Variants in XIRP2 observed in about 807,000 individuals in gnomAD.
XIRP2 encodes xin actin-binding repeat-containing protein 2.
In XIRP2, 236 loss-of-function variants were observed where a neutral mutation model predicts 277.0. The observed-to-expected ratio is 0.85, with a 90% CI of 0.77 to 0.95. XIRP2 has a LOEUF of 0.95. XIRP2 is among the 40% of genes least tolerant of loss of function. XIRP2 has a pLI of 0.00. For missense variants in XIRP2, 4,640 were observed against 4,157.5 expected (o/e 1.12, Z -3.19); for synonymous variants, 1,490 against 1,416.5 (o/e 1.05, Z -1.17).
rs1443207374 is a variant in XIRP2 at position 167,259,122 on chromosome 2, T to C, written c.*1305T>C. On this transcript the variant is annotated 3_prime_UTR_variant, in exon 11 of 11. Transcript: ENST00000409195. ...GAGAACATTTTCAATTGTGATTTAA[T>C]AGATTCTGTAGATCAAATTAAAAAT... 2.5e-6 allele frequency: 4 copies of C among 1,611,842 alleles called. No homozygotes were observed. The African/African-American group carries it at 4.0e-5, about 16-fold the overall frequency.
At chr2:167,229,788 T>A (rs1694701193) in intron 5 of XIRP2, among the ~76,000 whole-genome samples, 1 of 152,146 alleles carries the variant, frequency 6.6e-6, no homozygotes, top group African/African-American at 2.4e-5. Flanking sequence ...TAAGAAGTTC[T>A]GTTCCTAGAG....
intron 5 of XIRP2, among the ~76,000 whole-genome samples, chr2:167,220,123 T>C (rs1032869821): frequency 2.0e-5 from 3 of 152,148 alleles, no homozygotes; most frequent in Non-Finnish European, 4.4e-5. Flanking sequence ...AGTGAGAATA[T>C]TTACACCAGG....
At chr2:166,909,550 G>T (rs986244363) in intron 2 of XIRP2, among the ~76,000 whole-genome samples, 10 of 152,080 alleles carry the variant, frequency 6.6e-5, no homozygotes, top group Non-Finnish European at 7.4e-5. Flanking sequence ...TATACAATCA[G>T]GTCATCTGCA....
chr2:167,141,755 G>C (rs1344255800), intron 3 of XIRP2, among the ~76,000 whole-genome samples: 1 of 152,086 alleles, frequency 6.6e-6, no homozygotes, highest in Non-Finnish European at 1.5e-5. Context: ...CAGCTACCAG[G>C]GAGGCTGAGG....
At chr2:167,048,149 T>A (rs1688832536) in intron 2 of XIRP2, among the ~76,000 whole-genome samples, 1 of 152,020 alleles carries the variant, frequency 6.6e-6, no homozygotes, top group Non-Finnish European at 1.5e-5. Flanking sequence ...ATACAAGTAA[T>A]AGATGCATCT....
intron 2 of XIRP2, among the ~76,000 whole-genome samples, chr2:167,034,812 T>C (rs967605557): frequency 6.6e-6 from 1 of 152,146 alleles, no homozygotes; most frequent in African/African-American, 2.4e-5. Context: ...GGTAAAGAGA[T>C]TGACCTGATA....
intron 5 of XIRP2, among the ~76,000 whole-genome samples, chr2:167,220,114 G>A (rs960743110): frequency 6.6e-6 from 1 of 152,148 alleles, no homozygotes; most frequent in Non-Finnish European, 1.5e-5. Context: ...ATCAGCCATA[G>A]TGAGAATATT....
intron 2 of XIRP2, among the ~76,000 whole-genome samples, chr2:166,940,677 A>C (rs901768064): frequency 1.3e-5 from 2 of 152,198 alleles, no homozygotes; most frequent in African/African-American, 4.8e-5. Flanking sequence ...CAGGACCCTC[A>C]GCTGCAGGTC....
chr2:167,003,845 G>A (rs1687434487), intron 2 of XIRP2, among the ~76,000 whole-genome samples: 1 of 151,764 alleles, frequency 6.6e-6, no homozygotes, highest in Admixed American at 6.6e-5. Context: ...CATGTATTTT[G>A]GCTTTTCTTA....
At chr2:167,191,634 T>C (rs1032742833) in intron 3 of XIRP2, among the ~76,000 whole-genome samples, 1 of 152,228 alleles carries the variant, frequency 6.6e-6, no homozygotes, top group Non-Finnish European at 1.5e-5. Flanking sequence ...GACTGGCTTA[T>C]TTTTAAATTT....
chr2:167,034,764 T>C (rs1350100424), intron 2 of XIRP2, among the ~76,000 whole-genome samples: 3 of 152,204 alleles, frequency 2.0e-5, no homozygotes, highest in Non-Finnish European at 4.4e-5. Flanking sequence ...ACGCACCCAA[T>C]GCTGGATCAC....
intron 3 of XIRP2, among the ~76,000 whole-genome samples, chr2:167,146,532 T>A (rs142514405): frequency 0.026 from 3,871 of 151,140 alleles, 75 homozygotes; most frequent in East Asian, 0.05. Flanking sequence ...AGAAAGAAAT[T>A]AATTATAGAG....
At position 167,210,974 on chromosome 2, in the gene XIRP2, A is replaced by G. The variant is rs34511205; in HGVS notation, c.723+79A>G. 1.0e-3 allele frequency: 1,554 copies of G among 1,546,848 alleles called. 2 individuals carry two copies. Among genetic ancestry groups the G allele is most frequent in the Non-Finnish European group, 1.3e-3 (1,501 of 1,137,644 alleles). ...ATTCCCTCTTTATATTTGAAATGTA[A>G]GAATACTACTGGACAGGGGGCTAAA... On this transcript the variant is annotated intron_variant, in intron 4 of 10. Transcript: ENST00000409195.
chr2:166,995,729 G>C (rs1419316492), intron 2 of XIRP2, among the ~76,000 whole-genome samples: 1 of 152,198 alleles, frequency 6.6e-6, no homozygotes, highest in Admixed American at 6.5e-5. Context: ...AGCAGGTGTA[G>C]AGCATTACTG....
chr2:167,108,496 C>T (rs974455146), intron 2 of XIRP2, among the ~76,000 whole-genome samples: 2 of 151,954 alleles, frequency 1.3e-5, no homozygotes, highest in African/African-American at 4.8e-5. Flanking sequence ...CTTGAGACCG[C>T]TTTAGCTGTT....
intron 2 of XIRP2, among the ~76,000 whole-genome samples, chr2:167,093,924 C>T (rs1362580376): frequency 2.0e-5 from 3 of 152,132 alleles, no homozygotes; most frequent in Non-Finnish European, 4.4e-5. Flanking sequence ...CTAATTTACA[C>T]TCCCACCAAC....
chr2:167,114,178 G>C (rs2105297708), intron 2 of XIRP2, among the ~76,000 whole-genome samples: 2 of 152,242 alleles, frequency 1.3e-5, no homozygotes, highest in Admixed American at 1.3e-4. Context: ...GACCTCTCTA[G>C]TAAGCTTGGG....
At chr2:167,058,000 C>T (rs1204905309) in intron 2 of XIRP2, among the ~76,000 whole-genome samples, 8 of 143,114 alleles carry the variant, frequency 5.6e-5, no homozygotes, top group Non-Finnish European at 1.5e-5. Flanking sequence ...TCCCGTTATG[C>T]ATGTTTTATT....
intron 2 of XIRP2, among the ~76,000 whole-genome samples, chr2:167,080,008 G>A (rs1280001260): frequency 6.6e-6 from 1 of 151,580 alleles, no homozygotes; most frequent in Non-Finnish European, 1.5e-5. Context: ...TTGTAAAAGT[G>A]GGCATTTATC....
Sources: allele counts gnomAD v4.1 joint callset (sites outside exome capture counted in the v4.1 genomes callset), GRCh38; gene constraint gnomAD v4.1.1; transcripts MANE v1.5; gene names NCBI Gene and HGNC (gene_info 2026-07-23, HGNC 2026-07-21).